The following DNM2 variants were observed in gnomAD, a reference collection of about 807,000 sequenced individuals.
DNM2 encodes dynamin 2.
In DNM2, 15 loss-of-function variants were observed where a neutral mutation model predicts 99.0. That is an observed-to-expected ratio of 0.15 (90% CI 0.10 to 0.23). The LOEUF (loss-of-function observed/expected upper bound fraction) is 0.23, where lower values mean the gene tolerates loss of function less well. Among genes scored for constraint, DNM2 ranks in the 10% least tolerant of loss-of-function variants. The pLI is 1.00. For synonymous variants in DNM2, 525 were observed against 481.2 expected, an observed-to-expected ratio of 1.09 and a Z score of -1.19; for missense variants, 742 against 1,189.4, an observed-to-expected ratio of 0.62 and a Z score of 5.53.
intron 11 of DNM2, among the ~76,000 whole-genome samples, chr19:10,799,199 C>T (rs1218655647): frequency 6.6e-6 from 1 of 152,164 alleles, no homozygotes; most frequent in African/African-American, 2.4e-5. Context: ...CGCCCTCCAG[C>T]CTGGGAGACA....
At chr19:10,824,877 G>T (rs2073092068) in intron 17 of DNM2, 180 bp from the exon 18 acceptor site, 7 of 884,920 alleles carry the variant, frequency 7.9e-6, no homozygotes, top group South Asian at 7.6e-5. Flanking sequence ...ATCAGCCAGG[G>T]TCACCCCATT....
At chr19:10,722,872 C>T (rs2068984713) in intron 1 of DNM2, among the ~76,000 whole-genome samples, 1 of 152,044 alleles carries the variant, frequency 6.6e-6, no homozygotes, top group East Asian at 1.9e-4. Context: ...AATGATCCTC[C>T]TGCATCAGTC....
In DNM2 at chr19:10,738,868, C is replaced by T. The variant is rs527492159; in HGVS notation, c.161+20465C>T. Reference sequence around the variant, plus strand: ...CTGGGCAACAAGAGCAAAACTCCATCGCAAAAAAAAAAAAAAAAGGCTGGG... The same window carrying T: ...CTGGGCAACAAGAGCAAAACTCCATTGCAAAAAAAAAAAAAAAAGGCTGGG... On this transcript the variant is annotated intron_variant, in intron 1 of 20. Transcript: ENST00000389253. 7.4e-4 allele frequency among the ~76,000 whole-genome samples: 93 copies of T among 125,756 alleles called. 1 individual carries two copies. The highest frequency in any genetic ancestry group is 2.6e-3 in the African/African-American group (85 of 33,048). The allele number at this position is 125,756 out of a possible 152,430, so 82.5% of individuals were successfully genotyped here. A position where few individuals can be genotyped will look rare whatever the true frequency, so the allele number is the denominator to read the frequency against.
chr19:10,803,157 TG>T (rs1388367572), intron 12 of DNM2, among the ~76,000 whole-genome samples: 23 of 152,272 alleles, frequency 1.5e-4, no homozygotes, highest in African/African-American at 5.1e-4. Flanking sequence ...GGCGGGGCCG[TG>T]CAGGGCTTGT....
At chr19:10,814,324 C>T (rs1277330555) in intron 15 of DNM2, among the ~76,000 whole-genome samples, 1 of 151,670 alleles carries the variant, frequency 6.6e-6, no homozygotes, top group Non-Finnish European at 1.5e-5. Flanking sequence ...ATTAATCTGG[C>T]GTGGTGGCGC....
intron 2 of DNM2, among the ~76,000 whole-genome samples, chr19:10,769,021 T>C (rs2070891331): frequency 6.6e-6 from 1 of 152,128 alleles, no homozygotes; most frequent in South Asian, 2.1e-4. Flanking sequence ...AGAGAGTAGC[T>C]TGCCCTCTCT....
chr19:10,744,153 A>C (rs1048331817), intron 1 of DNM2, among the ~76,000 whole-genome samples: 1 of 149,916 alleles, frequency 6.7e-6, no homozygotes, highest in African/African-American at 2.5e-5. Flanking sequence ...GCCAGACTCC[A>C]TCTAAAAAAA....
At chr19:10,805,823 G>A (rs1396326905) in intron 12 of DNM2, 93 bp from the exon 13 acceptor site, 1 of 1,532,820 alleles carries the variant, frequency 6.5e-7, no homozygotes, top group Non-Finnish European at 9.0e-7. Flanking sequence ...CTGCTCACTT[G>A]GTCCCCAGGG....
At chr19:10,776,475 G>A (rs138923028) in intron 4 of DNM2, among the ~76,000 whole-genome samples, 23 of 151,916 alleles carry the variant, frequency 1.5e-4, no homozygotes, top group African/African-American at 5.1e-4. Context: ...GCCCAAATTG[G>A]CACCCACCAG....
At chr19:10,730,123 C>T (rs1414846977) in intron 1 of DNM2, among the ~76,000 whole-genome samples, 1 of 152,164 alleles carries the variant, frequency 6.6e-6, no homozygotes, top group East Asian at 1.9e-4. Context: ...GTTGGCCCCC[C>T]AAAGTACTGG....
chr19:10,745,047 A>G (rs1040522583), intron 1 of DNM2, among the ~76,000 whole-genome samples: 1 of 152,228 alleles, frequency 6.6e-6, no homozygotes, highest in Non-Finnish European at 1.5e-5. Context: ...CTGACATTCA[A>G]ATCACGTTGG....
At chr19:10,798,188 C>T (rs1316549819) in intron 10 of DNM2, among the ~76,000 whole-genome samples, 1 of 152,202 alleles carries the variant, frequency 6.6e-6, no homozygotes, top group African/African-American at 2.4e-5. Flanking sequence ...GCCCTGAAGC[C>T]CTGCATGGCA....
intron 2 of DNM2, among the ~76,000 whole-genome samples, chr19:10,770,327 A>G (rs1039984023): frequency 1.3e-5 from 2 of 152,164 alleles, no homozygotes; most frequent in Admixed American, 1.3e-4. Flanking sequence ...CTTAAAAACG[A>G]CAGGGCAGTG....
In DNM2 at chr19:10,831,340, AG is replaced by A. The variant is rs2073343638; in HGVS notation, c.*297del. Reference sequence around the variant, plus strand: ...AGAACCCTTGACACCATCCTGAATGAGGGGTCCAGCCTGGGGGGGACTCTAC... The same window carrying A: ...AGAACCCTTGACACCATCCTGAATGAGGGTCCAGCCTGGGGGGGACTCTAC... On this transcript the variant is annotated 3_prime_UTR_variant, in exon 21 of 21. Transcript: ENST00000389253. The surrounding 1 kb of genome is among the most constrained non-coding windows in gnomAD (Gnocchi z 4.3). The A allele has an allele frequency of 8.4e-7, 1 of 1,186,182 alleles. No individual in the cohort carries two copies. The highest frequency in any genetic ancestry group is 1.0e-6 in the Non-Finnish European group (1 of 957,004). The allele number at this position is 1,186,182 out of a possible 1,614,324, so 73.5% of individuals were successfully genotyped here. A position where few individuals can be genotyped will look rare whatever the true frequency, so the allele number is the denominator to read the frequency against.
chr19:10,821,540 C>CT (rs3837949), intron 16 of DNM2, among the ~76,000 whole-genome samples: 7 of 151,132 alleles, frequency 4.6e-5, no homozygotes, highest in South Asian at 2.1e-4. Context: ...GAAATCCTGA[C>CT]TTTTTTTTTA....
In DNM2 at chr19:10,829,023, C is replaced by A; in HGVS notation, c.2059-13C>A. The stretch of plus-strand genomic sequence containing the variant: ...GATACACAAGCCTGACCCTCCCCAA[C>A]CCCTGCCCGCAGACGAAGGCCTTCA... On this transcript the variant is annotated splice_polypyrimidine_tract_variant and intron_variant, in intron 18 of 20. Coordinates refer to ENST00000389253, the MANE Select transcript of DNM2 (RefSeq NM_001005361.3). The A allele has an allele frequency of 6.2e-7, 1 of 1,610,944 alleles. No homozygotes were observed.
At chr19:10,798,319 C>T in intron 10 of DNM2, 167 bp from the exon 11 acceptor site, 1 of 653,564 alleles carries the variant, frequency 1.5e-6, no homozygotes, top group Middle Eastern at 4.1e-4. Context: ...CTCTTCTGCT[C>T]TTAGCTCCCA....
Position 10,831,740 on chromosome 19 carries a change from T to A in DNM2, c.*693T>A. 1 of 985,488 alleles carries A rather than the reference T, an allele frequency of 1.0e-6. No homozygotes were observed. Among genetic ancestry groups the A allele is most frequent in the African/African-American group, 1.8e-5 (1 of 57,034 alleles). 61.0% of individuals were successfully genotyped at this position (985,488 alleles called of 1,614,324 possible). A position where few individuals can be genotyped will look rare whatever the true frequency, so the allele number is the denominator to read the frequency against. ...CTATGTGGGTGGTGGTGGCGGGGGG[T>A]CTTGGGGGCCTCTCAGCTCCCGCCC... On this transcript the variant is annotated 3_prime_UTR_variant, in exon 21 of 21. Coordinates refer to ENST00000389253, the MANE Select transcript of DNM2 (RefSeq NM_001005361.3). This position sits in a 1 kb window ranked among gnomAD's most constrained non-coding sequence, Gnocchi z 4.3.
intron 16 of DNM2, among the ~76,000 whole-genome samples, chr19:10,822,787 CTG>C (rs1260714010): frequency 6.6e-5 from 10 of 150,604 alleles, no homozygotes; most frequent in Admixed American, 6.6e-4. Flanking sequence ...GCGTGAGCCA[CTG>C]TGCCCAGCCA....
Sources: allele counts gnomAD v4.1 joint callset (sites outside exome capture counted in the v4.1 genomes callset), GRCh38; gene constraint gnomAD v4.1.1; non-coding constraint Gnocchi (gnomAD v3.1); transcripts MANE v1.5; gene names NCBI Gene and HGNC (gene_info 2026-07-23, HGNC 2026-07-21).